The following MGAM2 variants were observed in gnomAD, a reference collection of about 807,000 sequenced individuals.
The protein encoded by MGAM2 is maltase-glucoamylase 2 (putative).
MGAM2 carries 98 observed loss-of-function variants against 96.1 expected under a neutral mutation model. The observed-to-expected ratio is 1.02, with a 90% confidence interval of 0.87 to 1.21. The LOEUF is 1.21. Ranked by LOEUF, MGAM2 falls within the 50% of genes most tolerant of loss-of-function variation. MGAM2 has a pLI of 0.00. For missense variants in MGAM2, 2,055 were observed against 1,182.4 expected, an observed-to-expected ratio of 1.74 and a Z score of -10.82; for synonymous variants, 749 against 414.8, an observed-to-expected ratio of 1.81 and a Z score of -9.79.
chr7:142,161,936 A>T lies in MGAM2; in HGVS notation c.2435-19A>T. On this transcript the variant is annotated intron_variant, in intron 22 of 47. Coordinates refer to ENST00000477922, the MANE Select transcript of MGAM2 (RefSeq NM_001293626.2). ...TGATTGGCTTCCCATAGTAACCGGT[A>T]CTCCTCTTTCTTTTTTAGATGCTGT... 1.5e-6 allele frequency: 1 copy of T among 686,600 alleles called. No individual in the cohort carries two copies. The highest frequency in any genetic ancestry group is 2.1e-5 in the Admixed American group (1 of 46,954). The allele number at this position is 686,600 out of a possible 1,614,324, so 42.5% of individuals were successfully genotyped here. A position where few individuals can be genotyped will look rare whatever the true frequency, so the allele number is the denominator to read the frequency against.
intron 32 of MGAM2, among the ~76,000 whole-genome samples, chr7:142,182,962 T>C (rs939648145): frequency 6.6e-6 from 1 of 152,156 alleles, no homozygotes; most frequent in Admixed American, 6.6e-5. Context: ...GGTAACTTTT[T>C]GTAGTATAGA....
intron 17 of MGAM2, 80 bp downstream of exon 17, chr7:142,154,925 G>T (rs1795692083): frequency 1.0e-5 from 7 of 683,616 alleles, no homozygotes; most frequent in Admixed American, 2.1e-5. Context: ...GAGGAAAATA[G>T]TACTACAGGT....
At chr7:142,119,710 G>T (rs1268253532) in intron 2 of MGAM2, among the ~76,000 whole-genome samples, 2 of 152,150 alleles carry the variant, frequency 1.3e-5, no homozygotes, top group African/African-American at 4.8e-5. Flanking sequence ...CAAAAAATGT[G>T]ATTCAGCCAT....
At chr7:142,213,507 C>T (rs1797658197) in intron 46 of MGAM2, among the ~76,000 whole-genome samples, 1 of 148,826 alleles carries the variant, frequency 6.7e-6, no homozygotes, top group Non-Finnish European at 1.5e-5. Flanking sequence ...GCTGATCCCA[C>T]AGAAATACAA....
At chr7:142,121,734 C>G (rs1202711996) in intron 3 of MGAM2, among the ~76,000 whole-genome samples, 1 of 150,452 alleles carries the variant, frequency 6.6e-6, no homozygotes, top group Non-Finnish European at 1.5e-5. Flanking sequence ...TATAATTGAT[C>G]AAGTTAAATC....
chr7:142,200,019 C>T, intron 45 of MGAM2, 51 bp downstream of exon 45: 1 of 610,150 alleles, frequency 1.6e-6, no homozygotes, highest in Middle Eastern at 2.5e-4. Context: ...AAAATCATAC[C>T]ATAGAGGCTC....
At chr7:142,164,005 A>G (rs989133908) in intron 23 of MGAM2, among the ~76,000 whole-genome samples, 20 of 152,098 alleles carry the variant, frequency 1.3e-4, no homozygotes, top group Non-Finnish European at 2.9e-5. Context: ...TCTCCCATTT[A>G]AAAAAATATA....
rs533799441 is a variant in MGAM2, at chr7:142,123,437, A to T, written c.186+3056A>T. On this transcript the variant is annotated intron_variant, in intron 3 of 47. Transcript: ENST00000477922. ...ATTTGCATTTCTTTTAGTAGTATACAGGAGTTCATTTGCTCTACATCCTAA... is the reference window on the plus strand; with the variant it reads ...ATTTGCATTTCTTTTAGTAGTATACTGGAGTTCATTTGCTCTACATCCTAA... 1.2e-3 allele frequency among the ~76,000 whole-genome samples: 176 copies of T among 152,316 alleles called. 1 individual carries two copies. Among genetic ancestry groups the T allele is most frequent in the African/African-American group, 4.2e-3 (175 of 41,572 alleles).
chr7:142,212,376 G>A (rs902048364), intron 46 of MGAM2, among the ~76,000 whole-genome samples: 7 of 152,120 alleles, frequency 4.6e-5, no homozygotes, highest in Admixed American at 6.5e-5. Flanking sequence ...ATGTAAATGG[G>A]CTAAATGCTC....
intron 46 of MGAM2, among the ~76,000 whole-genome samples, chr7:142,211,405 A>G (rs1563297907): frequency 2.0e-5 from 3 of 152,204 alleles, no homozygotes. Context: ...GAGCTAAAGG[A>G]GCATGTTCTA....
Position 142,154,822 on chromosome 7 carries a change from A to C in MGAM2, c.1900A>C (p.Asn634His). 1.4e-6 allele frequency: 1 copy of C among 703,556 alleles called. No homozygotes were observed. The highest frequency in any genetic ancestry group is 1.5e-5 in the South Asian group (1 of 67,604). The allele number at this position is 703,556 out of a possible 1,614,324, so 43.6% of individuals were successfully genotyped here. The part of the protein sequence containing the change: ...QLGAFYPLPR[N>H]HNGPGFRDQD... ...TGGAGCATTTTATCCACTACCAAGG[A>C]ATCACAATGGGCCTGGGTTCAGGGT... The change falls in exon 17 of 48, where the codon AAT (asparagine) becomes CAT (histidine). Residue 634 changes from asparagine to histidine, a missense_variant. Physicochemically the swap from Asn to His is moderately conservative, Grantham distance 68 (BLOSUM62 1). Coordinates refer to ENST00000477922, the MANE Select transcript of MGAM2 (RefSeq NM_001293626.2).
At chr7:142,156,697 A>G (rs1210708235) in intron 17 of MGAM2, among the ~76,000 whole-genome samples, 1 of 152,166 alleles carries the variant, frequency 6.6e-6, no homozygotes, top group Non-Finnish European at 1.5e-5. Context: ...TGAGCCCTAC[A>G]CTGGGTGCAT....
chr7:142,206,492 A>G lies in MGAM2; in HGVS notation c.5138-2081A>G, dbSNP rs533539972. 1.5e-4 allele frequency among the ~76,000 whole-genome samples: 23 copies of G among 152,220 alleles called. 1 individual carries two copies. The highest frequency in any genetic ancestry group is 2.2e-4 in the Non-Finnish European group (15 of 68,024). On this transcript the variant is annotated intron_variant, in intron 45 of 47. Transcript: ENST00000477922. Reference sequence around the variant, plus strand: ...TTGAGGATCAATGTTTTAAGAGAACATAGAAAGTCCTTTGATACAGGTTTA... The same window carrying G: ...TTGAGGATCAATGTTTTAAGAGAACGTAGAAAGTCCTTTGATACAGGTTTA...
intron 43 of MGAM2, 126 bp downstream of exon 43, chr7:142,198,321 G>A (rs945249037): frequency 1.1e-5 from 7 of 616,700 alleles, no homozygotes; most frequent in African/African-American, 1.8e-5. Flanking sequence ...CCTTGGCAAG[G>A]CTTGTTTAAA....
rs1795343961 is a variant in MGAM2 at position 142,145,060 on chromosome 7, C to T, written c.1516+115C>T. The T allele has an allele frequency of 6.5e-6, 4 of 616,762 alleles. No homozygotes were observed. In the Admixed American group the frequency reaches 7.7e-5, roughly 12 times the overall value. 38.2% of individuals were successfully genotyped at this position (616,762 alleles called of 1,614,324 possible). ...TTCCTAGTCCAAGGGGTCTCCTAAA[C>T]ATCCTGAGCACTCCTCTGCCGAAGT... is the stretch of plus-strand genomic sequence containing the variant. On this transcript the variant is annotated intron_variant, in intron 14 of 47. Transcript: ENST00000477922.
At chr7:142,144,111 A>T (rs2129081650) in intron 13 of MGAM2, 1 of 316,688 alleles carries the variant, frequency 3.2e-6, no homozygotes, top group East Asian at 5.1e-5. Context: ...TCATTTTGAT[A>T]AAGTTTTTGC....
intron 31 of MGAM2, among the ~76,000 whole-genome samples, chr7:142,174,432 A>G (rs999923665): frequency 2.6e-5 from 4 of 152,010 alleles, no homozygotes; most frequent in African/African-American, 4.8e-5. Flanking sequence ...ATTTGTGGCA[A>G]TTATGAATGG....
In MGAM2 at chr7:142,221,510, T is replaced by C. The variant is rs1422383034; in HGVS notation, c.6999T>C (p.Thr2333=). 3.7e-6 allele frequency: 2 copies of C among 545,092 alleles called. No individual in the cohort carries two copies. Among genetic ancestry groups the C allele is most frequent in the South Asian group, 6.0e-5 (2 of 33,606 alleles). The allele number at this position is 545,092 out of a possible 1,614,324, so 33.8% of individuals were successfully genotyped here. A position where few individuals can be genotyped will look rare whatever the true frequency, so the allele number is the denominator to read the frequency against. ...TFTTDKITNF[T]TPTNANTIIF... ...CTACTGATAAAATTACTAATTTTAC[T>C]ACCCCTACAAATGCAAACACCATTA... The change falls in exon 48 of 48, where the codon ACT becomes ACC. Residue 2333 remains threonine, a synonymous_variant. Transcript: ENST00000477922.
intron 32 of MGAM2, among the ~76,000 whole-genome samples, chr7:142,177,484 C>G (rs1022576939): frequency 2.0e-5 from 3 of 152,120 alleles, no homozygotes; most frequent in Non-Finnish European, 4.4e-5. Flanking sequence ...GTGAACATAG[C>G]ACCAAACAGG....
Sources: gnomAD v4.1 joint callset for allele counts (sites outside exome capture counted in the v4.1 genomes callset) on GRCh38, gnomAD v4.1.1 for gene constraint, MANE v1.5 for transcripts, NCBI Gene and HGNC (gene_info 2026-07-23, HGNC 2026-07-21) for gene names.